SPATA13: variants seen among roughly 807,000 people sequenced by gnomAD.
SPATA13 encodes spermatogenesis associated 13, also known as spermatogenesis-associated protein 13.
Under a neutral mutation model 104.0 loss-of-function variants are expected in SPATA13, and 50 were observed. That is an observed-to-expected ratio of 0.48 (90% CI 0.38 to 0.61). SPATA13 has a LOEUF of 0.61. SPATA13 is among the 20% of genes least tolerant of loss of function. The pLI is 0.00. For missense variants in SPATA13, 1,524 were observed against 1,690.6 expected (o/e 0.90, Z 1.73); for synonymous variants, 606 against 667.5 (o/e 0.91, Z 1.42).
chr13:24,209,033 G>A (rs1209444414), intron 1 of SPATA13, among the ~76,000 whole-genome samples: 1 of 152,142 alleles, frequency 6.6e-6, no homozygotes, highest in Non-Finnish European at 1.5e-5. Context: ...AGCATGTCAG[G>A]GTCAGCTGTG....
intron 10 of SPATA13, 146 bp from the exon 11 acceptor site, chr13:24,297,217 T>G: frequency 1.1e-6 from 1 of 943,136 alleles, no homozygotes; most frequent in African/African-American, 1.7e-5. Flanking sequence ...TTTTAAAATT[T>G]TATGTGGAGA....
chr13:24,074,803 T>C (rs1440956330), intron 3 of SPATA13, among the ~76,000 whole-genome samples: 2 of 152,196 alleles, frequency 1.3e-5, no homozygotes, highest in African/African-American at 2.4e-5. Flanking sequence ...CAGAATAGGT[T>C]TGGAGCAACT....
chr13:24,040,697 G>A (rs796194556), intron 3 of SPATA13, among the ~76,000 whole-genome samples: 3 of 152,306 alleles, frequency 2.0e-5, no homozygotes, highest in African/African-American at 7.2e-5. Flanking sequence ...CCTCTCCTGT[G>A]GATCCAAATT....
intron 1 of SPATA13, among the ~76,000 whole-genome samples, chr13:24,181,657 T>C (rs1868815606): frequency 6.6e-6 from 1 of 152,160 alleles, no homozygotes; most frequent in African/African-American, 2.4e-5. Flanking sequence ...CACTAGAAGG[T>C]CTTCAGGGGA....
intron 2 of SPATA13, 78 bp downstream of exon 2, chr13:24,224,660 C>A: frequency 6.9e-7 from 1 of 1,459,216 alleles, no homozygotes; most frequent in South Asian, 1.2e-5. Context: ...GCCCTTGGTC[C>A]CTAACCTGTC....
rs185289809 is a variant in SPATA13, at chr13:24,297,501, C to T, written c.3349C>T (p.Arg1117Cys). Residue 1117 changes from arginine to cysteine, a missense_variant, in exon 11 of 13, where the codon CGC becomes TGC. Physicochemically the swap from Arg to Cys is radical, Grantham distance 180 (BLOSUM62 -3). Around this residue, in one of 2 missense-constraint regions of SPATA13, gnomAD observed 435 missense variants for 554.8 expected, o/e 0.78. Coordinates refer to ENST00000382108, the MANE Select transcript of SPATA13 (RefSeq NM_001166271.3). ...GGTGTCCTGCAAGAAGGACCTGCTGCGCAGGGACATGCTGTACTACAAGGG... is the reference window on the plus strand; with the variant it reads ...GGTGTCCTGCAAGAAGGACCTGCTGTGCAGGGACATGCTGTACTACAAGGG... The part of the protein sequence containing the change: ...QLVSCKKDLL[R>C]RDMLYYKGRL... 1.8e-5 allele frequency: 29 copies of T among 1,614,184 alleles called. No individual in the cohort carries two copies. Among genetic ancestry groups the T allele is most frequent in the South Asian group, 2.2e-5 (2 of 91,080 alleles).
At chr13:24,022,337 A>G (rs2137702067) in intron 3 of SPATA13, among the ~76,000 whole-genome samples, 1 of 152,346 alleles carries the variant, frequency 6.6e-6, no homozygotes, top group Admixed American at 6.5e-5. Context: ...GCGCCTGGCG[A>G]AAAATCTTAA....
chr13:24,092,927 G>C (rs147121294), intron 3 of SPATA13, among the ~76,000 whole-genome samples: 1 of 152,248 alleles, frequency 6.6e-6, no homozygotes, highest in East Asian at 1.9e-4. Flanking sequence ...TTTGGTGTTT[G>C]GCATCTTCTC....
chr13:24,198,341 G>A lies in SPATA13; in HGVS notation c.-111-24478G>A, dbSNP rs1481563606. Among the ~76,000 whole-genome samples the A allele has an allele frequency of 2.0e-5, 3 of 152,094 alleles. No homozygotes were observed. The East Asian group carries it at 5.8e-4, about 29-fold the overall frequency. ...CTGGACTAAATGTCAGGTCCTCCCAGCCTCCTGCCCACTCCTGTACAAACA... is the reference window on the plus strand; with the variant it reads ...CTGGACTAAATGTCAGGTCCTCCCAACCTCCTGCCCACTCCTGTACAAACA... On this transcript the variant is annotated intron_variant, in intron 1 of 12. Transcript: ENST00000382108.
chr13:24,104,104 G>T (rs1390395012), intron 3 of SPATA13, among the ~76,000 whole-genome samples: 3 of 152,144 alleles, frequency 2.0e-5, no homozygotes, highest in African/African-American at 7.2e-5. Context: ...CTGTTAGAGA[G>T]CTGTAGATGA....
At chr13:24,000,521 A>AG (rs2137671690) in intron 2 of SPATA13, among the ~76,000 whole-genome samples, 1 of 152,262 alleles carries the variant, frequency 6.6e-6, no homozygotes, top group East Asian at 1.9e-4. Context: ...CCTGCCTTCT[A>AG]GGGGGAAGAC....
intron 1 of SPATA13, among the ~76,000 whole-genome samples, chr13:24,162,887 G>C (rs1277112886): frequency 6.6e-6 from 1 of 152,204 alleles, no homozygotes; most frequent in Non-Finnish European, 1.5e-5. Context: ...CTGGAGTTTA[G>C]CTTTGGAAAG....
intron 3 of SPATA13, among the ~76,000 whole-genome samples, chr13:24,065,105 T>G (rs1878904965): frequency 6.6e-6 from 1 of 152,208 alleles, no homozygotes; most frequent in Non-Finnish European, 1.5e-5. Context: ...TTTAAATCTT[T>G]ATAACTTACG....
At chr13:24,071,220 G>A (rs1198570886) in intron 3 of SPATA13, among the ~76,000 whole-genome samples, 2 of 152,142 alleles carry the variant, frequency 1.3e-5, no homozygotes, top group Admixed American at 1.3e-4. Context: ...GGAGTCACCT[G>A]AGCCCTAGGA....
At chr13:24,129,051 G>T (rs537772037) in intron 3 of SPATA13, among the ~76,000 whole-genome samples, 1 of 152,234 alleles carries the variant, frequency 6.6e-6, no homozygotes, top group Non-Finnish European at 1.5e-5. Context: ...CTGTGGCACC[G>T]CACCATCTGT....
At chr13:24,017,603 TA>T in intron 2 of SPATA13, 1 of 894,956 alleles carries the variant, frequency 1.1e-6, no homozygotes, top group Non-Finnish European at 1.3e-6. Context: ...CATTCCGATT[TA>T]ACCTCAGCTA....
chr13:24,299,412 A>G (rs966122714), intron 11 of SPATA13, among the ~76,000 whole-genome samples: 1 of 152,178 alleles, frequency 6.6e-6, no homozygotes, highest in Non-Finnish European at 1.5e-5. Context: ...CCTTGCCTCG[A>G]ATATTTTGGC....
chr13:24,294,910 T>C (rs9553233), intron 10 of SPATA13, 42 bp downstream of exon 10: 1,153,719 of 1,575,488 alleles, frequency 0.73, 424,192 homozygotes, highest in East Asian at 0.92. Flanking sequence ...CCACTCGCCC[T>C]TCCCGCACCT....
At chr13:24,243,876 C>T (rs923872067) in intron 2 of SPATA13, among the ~76,000 whole-genome samples, 2 of 152,134 alleles carry the variant, frequency 1.3e-5, no homozygotes, top group East Asian at 3.9e-4. Flanking sequence ...TTGGTATGCC[C>T]AGAGTCCCTA....
Sources: gnomAD v4.1 joint callset for allele counts (sites outside exome capture counted in the v4.1 genomes callset) on GRCh38, gnomAD v4.1.1 for gene constraint, gnomAD v4.1.1 regional missense constraint, MANE v1.5 for transcripts, NCBI Gene and HGNC (gene_info 2026-07-23, HGNC 2026-07-21) for gene names.